The following METTL8 variants were observed in gnomAD, a reference collection of about 807,000 sequenced individuals.
The protein encoded by METTL8 is methyltransferase 8, tRNA N3-cytidine, also known as tRNA N(3)-cytidine methyltransferase METTL8, mitochondrial.
METTL8 carries 32 observed loss-of-function variants against 48.7 expected under a neutral mutation model. That is an observed-to-expected ratio of 0.66 (90% CI 0.50 to 0.88). The LOEUF is 0.88. METTL8 is among the 40% of genes least tolerant of loss of function. The pLI is 0.00. For missense variants in METTL8, 464 were observed against 474.4 expected (o/e 0.98, Z 0.20); for synonymous variants, 136 against 157.1 (o/e 0.87, Z 1.01).
At chr2:171,398,725 CTA>C (rs948909128) in intron 1 of METTL8, among the ~76,000 whole-genome samples, 11 of 152,220 alleles carry the variant, frequency 7.2e-5, no homozygotes, top group South Asian at 4.1e-4. Context: ...ACAAAGGTAA[CTA>C]TGTGAGAAGA....
intron 3 of METTL8, among the ~76,000 whole-genome samples, chr2:171,353,233 A>G (rs1322582395): frequency 6.6e-6 from 1 of 152,224 alleles, no homozygotes; most frequent in Non-Finnish European, 1.5e-5. Context: ...TGTACCCAGT[A>G]GTCACTCAGG....
chr2:171,395,048 G>A (rs1688927193), intron 1 of METTL8, among the ~76,000 whole-genome samples: 2 of 152,322 alleles, frequency 1.3e-5, no homozygotes, highest in Admixed American at 6.5e-5. Flanking sequence ...TGTGGGAAAA[G>A]AAGGGCAGGG....
chr2:171,355,697 C>T (rs1033204381), intron 3 of METTL8, among the ~76,000 whole-genome samples: 1 of 152,232 alleles, frequency 6.6e-6, no homozygotes. Flanking sequence ...CTCGCTGCCA[C>T]CTTGCAGTTC....
chr2:171,359,865 A>G lies in METTL8; in HGVS notation c.235+557T>C, dbSNP rs572486892. Among the ~76,000 whole-genome samples, 4 of 152,318 alleles carry G rather than the reference A, an allele frequency of 2.6e-5. No homozygotes were observed. The South Asian group carries it at 8.3e-4, about 32-fold the overall frequency. On this transcript the variant is annotated intron_variant, in intron 3 of 9. Transcript: ENST00000375258. ...CTCGGCCACCCAAAGTGCTGGGATT[A>G]TAGGTGTGAGCCACCGCGCCGGCTC...
At chr2:171,421,432 A>C (rs1449303393) in intron 1 of METTL8, among the ~76,000 whole-genome samples, 1 of 97,312 alleles carries the variant, frequency 1.0e-5, no homozygotes, top group Non-Finnish European at 2.1e-5. Flanking sequence ...CCTGGGCAGC[A>C]CAGTGAGACC....
chr2:171,344,244 A>G (rs1687057608), intron 3 of METTL8, among the ~76,000 whole-genome samples: 2 of 152,178 alleles, frequency 1.3e-5, no homozygotes, highest in Admixed American at 1.3e-4. Context: ...TTATTATTCC[A>G]ATTTGCAGAG....
Position 171,339,343 on chromosome 2 carries a change from C to T in METTL8, c.447G>A (p.Val149=). Residue 149 remains valine, a synonymous_variant, in exon 4 of 10, where the codon GTG becomes GTA. Transcript: ENST00000375258. ...NRFSRMHCPT[V]PDEKNHYEKS... ...TCTCATAATGATTTTTTTCATCAGG[C>T]ACAGTAGGACAGTGCATTCTTGAGA... 1 of 1,610,808 alleles carries T rather than the reference C, an allele frequency of 6.2e-7. No individual in the cohort carries two copies. Among genetic ancestry groups the T allele is most frequent in the Non-Finnish European group, 8.5e-7 (1 of 1,178,020 alleles).
chr2:171,351,857 T>C (rs1337641756), intron 3 of METTL8, among the ~76,000 whole-genome samples: 2 of 152,216 alleles, frequency 1.3e-5, no homozygotes, highest in Admixed American at 6.5e-5. Context: ...CTTAAGGAGA[T>C]TTTGGGCTGA....
chr2:171,324,242 T>G lies in METTL8; in HGVS notation c.1154A>C (p.Lys385Thr), dbSNP rs889250043. 1.9e-6 allele frequency: 3 copies of G among 1,551,186 alleles called. No homozygotes were observed. Among genetic ancestry groups the G allele is most frequent in the Middle Eastern group, 1.7e-4 (1 of 5,762 alleles). The part of the protein sequence containing the change: ...VKMHRVWIQG[K>T]FQKPLHQTQN... ...AGTCTGGTGCAATGGTTTCTGGAAT[T>G]TGCCTTGAATCCACACTCGGTGCAT... Residue 385 changes from lysine to threonine, a missense_variant, in exon 10 of 10, where the codon AAA becomes ACA. Transcript: ENST00000375258.
In METTL8 at chr2:171,318,654, C is replaced by G. The variant is rs1296702979; in HGVS notation, c.*5518G>C. ...CAGTTCCTTTCCTTCTCTTCTTTTC[C>G]AATTTGTAATTGTGGACAAGTGTAA... On this transcript the variant is annotated 3_prime_UTR_variant, in exon 10 of 10. Coordinates refer to ENST00000375258, the MANE Select transcript of METTL8 (RefSeq NM_001321154.2). 1.3e-5 allele frequency: 2 copies of G among 152,166 alleles called. No individual in the cohort carries two copies. The highest frequency in any genetic ancestry group is 4.8e-5 in the African/African-American group (2 of 41,520). The allele number at this position is 152,166 out of a possible 1,614,324, so 9.4% of individuals were successfully genotyped here.
At chr2:171,432,853 A>T (rs1300924040) in intron 1 of METTL8, among the ~76,000 whole-genome samples, 2 of 152,194 alleles carry the variant, frequency 1.3e-5, no homozygotes, top group Non-Finnish European at 2.9e-5. Flanking sequence ...TTTTTACCAT[A>T]GGCCAATTGA....
chr2:171,403,038 G>C (rs1313848555), intron 1 of METTL8, among the ~76,000 whole-genome samples: 1 of 152,008 alleles, frequency 6.6e-6, no homozygotes, highest in African/African-American at 2.4e-5. Flanking sequence ...AAATAAATGA[G>C]GGAGAAGAGA....
At chr2:171,368,612 G>A (rs1166858922) in intron 2 of METTL8, among the ~76,000 whole-genome samples, 1 of 152,002 alleles carries the variant, frequency 6.6e-6, no homozygotes, top group Non-Finnish European at 1.5e-5. Flanking sequence ...ATAATAAAAT[G>A]TGTCAACATT....
At chr2:171,396,106 T>C (rs1484767201) in intron 1 of METTL8, among the ~76,000 whole-genome samples, 1 of 151,858 alleles carries the variant, frequency 6.6e-6, no homozygotes, top group East Asian at 1.9e-4. Context: ...ACCCCATCTC[T>C]ACTAAAAATC....
At chr2:171,405,080 C>CA (rs1384632516) in intron 1 of METTL8, among the ~76,000 whole-genome samples, 1 of 151,870 alleles carries the variant, frequency 6.6e-6, no homozygotes, top group Admixed American at 6.6e-5. Context: ...TACACACAGG[C>CA]AAAAAGGCTA....
chr2:171,380,899 T>C (rs1687457862), intron 2 of METTL8, among the ~76,000 whole-genome samples: 1 of 152,198 alleles, frequency 6.6e-6, no homozygotes, highest in Non-Finnish European at 1.5e-5. Flanking sequence ...AAAAAACTAC[T>C]TTAAATTTCA....
intron 3 of METTL8, among the ~76,000 whole-genome samples, chr2:171,346,859 G>T (rs1288075377): frequency 2.6e-5 from 4 of 152,186 alleles, no homozygotes; most frequent in African/African-American, 7.2e-5. Context: ...CTCACCCAGG[G>T]TGCTGCAGAC....
intron 3 of METTL8, among the ~76,000 whole-genome samples, chr2:171,345,357 C>T (rs546948344): frequency 1.3e-5 from 2 of 152,228 alleles, no homozygotes; most frequent in South Asian, 2.1e-4. Context: ...AAAATTTATT[C>T]TAAGTTTCCA....
At chr2:171,402,617 A>C (rs1397673628) in intron 1 of METTL8, among the ~76,000 whole-genome samples, 1 of 152,158 alleles carries the variant, frequency 6.6e-6, no homozygotes. Context: ...TAGTATACAC[A>C]CATATATTTC....
Sources: allele counts gnomAD v4.1 joint callset (sites outside exome capture counted in the v4.1 genomes callset), GRCh38; gene constraint gnomAD v4.1.1; transcripts MANE v1.5; gene names NCBI Gene and HGNC (gene_info 2026-07-23, HGNC 2026-07-21).